Variants in TMEM108 observed in about 807,000 individuals in gnomAD.
TMEM108 encodes the protein cancer/testis antigen 124.
A neutral mutation model predicts 35.1 loss-of-function variants in TMEM108; 12 were observed. That is an observed-to-expected ratio of 0.34 (90% CI 0.22 to 0.55). TMEM108 has a LOEUF of 0.55. Among genes scored for constraint, TMEM108 ranks in the 20% least tolerant of loss-of-function variants. The probability of loss-of-function intolerance (pLI) is 0.89; values close to 1 mark genes in which losing one functional copy is unlikely to be tolerated. For missense variants in TMEM108, 680 were observed against 753.3 expected (o/e 0.90, Z 1.14); for synonymous variants, 287 against 308.6 (o/e 0.93, Z 0.73).
At chr3:133,138,381 A>G (rs1261810159) in intron 2 of TMEM108, among the ~76,000 whole-genome samples, 1 of 152,214 alleles carries the variant, frequency 6.6e-6, no homozygotes, top group African/African-American at 2.4e-5. Flanking sequence ...GAAAAGGAAG[A>G]GAGACTATCA....
At chr3:133,239,581 A>G (rs1946285154) in intron 3 of TMEM108, among the ~76,000 whole-genome samples, 1 of 152,202 alleles carries the variant, frequency 6.6e-6, no homozygotes, top group African/African-American at 2.4e-5. Flanking sequence ...TTTAGTGCAC[A>G]ACAGAATCAC....
chr3:133,328,799 T>G (rs554618015), intron 3 of TMEM108, among the ~76,000 whole-genome samples: 1 of 152,268 alleles, frequency 6.6e-6, no homozygotes, highest in South Asian at 2.1e-4. Flanking sequence ...AGGTTAGATG[T>G]AACATAGGAA....
chr3:133,185,784 C>CTTTTCTTTTTTTTT (rs1441056931), intron 2 of TMEM108, among the ~76,000 whole-genome samples: 5 of 127,098 alleles, frequency 3.9e-5, no homozygotes, highest in East Asian at 2.7e-4. Flanking sequence ...CTTTTCTTTT[C>CTTTTCTTTTTTTTT]TTTTTTTTTT....
chr3:133,211,877 T>C (rs1945838321), intron 2 of TMEM108, among the ~76,000 whole-genome samples: 1 of 152,240 alleles, frequency 6.6e-6, no homozygotes. Flanking sequence ...TTTTTCTCTT[T>C]TGTTTGGAAT....
intron 2 of TMEM108, among the ~76,000 whole-genome samples, chr3:133,213,514 T>A (rs77656436): frequency 6.6e-6 from 1 of 152,202 alleles, no homozygotes; most frequent in Non-Finnish European, 1.5e-5. Flanking sequence ...GAGTATTCTG[T>A]TCATATTCTA....
At chr3:133,098,345 C>T (rs774973046) in intron 2 of TMEM108, among the ~76,000 whole-genome samples, 2 of 152,186 alleles carry the variant, frequency 1.3e-5, no homozygotes, top group African/African-American at 4.8e-5. Context: ...TTACCTCACC[C>T]GGGGTCCCTC....
intron 2 of TMEM108, among the ~76,000 whole-genome samples, chr3:133,065,209 T>A (rs1470773486): frequency 6.6e-6 from 1 of 152,206 alleles, no homozygotes; most frequent in Non-Finnish European, 1.5e-5. Flanking sequence ...CACTATGTAT[T>A]CTTTTTTAAT....
intron 2 of TMEM108, among the ~76,000 whole-genome samples, chr3:133,120,226 A>G (rs1222972245): frequency 6.6e-6 from 1 of 152,210 alleles, no homozygotes; most frequent in Non-Finnish European, 1.5e-5. Flanking sequence ...TTTTGTGTAG[A>G]CACCTTTTAA....
intron 4 of TMEM108, chr3:133,387,238 T>C (rs578203835): frequency 2.0e-6 from 2 of 985,462 alleles, no homozygotes; most frequent in African/African-American, 3.5e-5. Context: ...GCATCCATGA[T>C]CTCTTTAATT....
intron 3 of TMEM108, among the ~76,000 whole-genome samples, chr3:133,235,317 A>T (rs546660008): frequency 1.3e-3 from 200 of 152,286 alleles, no homozygotes; most frequent in African/African-American, 4.3e-3. Context: ...CCAAAAGAAC[A>T]AAGCTGGAGG....
At chr3:133,120,578 G>A (rs147606303) in intron 2 of TMEM108, among the ~76,000 whole-genome samples, 58 of 152,000 alleles carry the variant, frequency 3.8e-4, no homozygotes, top group African/African-American at 1.3e-3. Context: ...AGATGCTCTG[G>A]GCATAGCTCA....
At chr3:133,338,069 C>T (rs2071550095) in intron 3 of TMEM108, among the ~76,000 whole-genome samples, 1 of 151,814 alleles carries the variant, frequency 6.6e-6, no homozygotes, top group African/African-American at 2.4e-5. Flanking sequence ...TAGAAAATAC[C>T]CTCAAATGGG....
intron 3 of TMEM108, among the ~76,000 whole-genome samples, chr3:133,288,579 T>C (rs1947018006): frequency 6.6e-6 from 1 of 152,146 alleles, no homozygotes; most frequent in South Asian, 2.1e-4. Context: ...CTTTATGTTG[T>C]GGAAAATCAC....
chr3:133,177,405 A>C (rs1026901138), intron 2 of TMEM108, among the ~76,000 whole-genome samples: 1 of 152,122 alleles, frequency 6.6e-6, no homozygotes, highest in African/African-American at 2.4e-5. Context: ...ACATTGATGC[A>C]AAAAATCCTC....
intron 3 of TMEM108, among the ~76,000 whole-genome samples, chr3:133,307,534 G>T (rs2071058996): frequency 6.6e-6 from 1 of 152,096 alleles, no homozygotes; most frequent in Admixed American, 6.6e-5. Flanking sequence ...AGTCCATCTT[G>T]AATTAATTTT....
At chr3:133,251,043 A>G (rs1030575148) in intron 3 of TMEM108, among the ~76,000 whole-genome samples, 1 of 152,146 alleles carries the variant, frequency 6.6e-6, no homozygotes. Flanking sequence ...TTTGACTCAT[A>G]TAGCTTTGCT....
chr3:133,355,019 A>G (rs977981230), intron 3 of TMEM108, among the ~76,000 whole-genome samples: 35 of 152,324 alleles, frequency 2.3e-4, no homozygotes, highest in African/African-American at 8.4e-4. Context: ...AGGCAAGTGT[A>G]AAGATACAGT....
chr3:133,067,923 G>T (rs1249086370), intron 2 of TMEM108, among the ~76,000 whole-genome samples: 2 of 151,856 alleles, frequency 1.3e-5, no homozygotes, highest in Non-Finnish European at 2.9e-5. Flanking sequence ...AAAAGAAACT[G>T]GAAAGTCCAA....
chr3:133,042,824 A>G (rs542059840), intron 1 of TMEM108, among the ~76,000 whole-genome samples: 40 of 152,358 alleles, frequency 2.6e-4, no homozygotes, highest in African/African-American at 8.9e-4. Flanking sequence ...GACTCAATAT[A>G]GTTTTCCCTT....
Sources: allele counts gnomAD v4.1 joint callset (sites outside exome capture counted in the v4.1 genomes callset), GRCh38; gene constraint gnomAD v4.1.1; transcripts MANE v1.5; gene names NCBI Gene and HGNC (gene_info 2026-07-23, HGNC 2026-07-21).